The following ANGPTL2 variants were observed in gnomAD, a reference collection of about 807,000 sequenced individuals.
ANGPTL2 encodes the protein angiopoietin-related protein 2.
Under a neutral mutation model 52.8 loss-of-function variants are expected in ANGPTL2, and 25 were observed. That is an observed-to-expected ratio of 0.47 (90% CI 0.35 to 0.66). ANGPTL2 has a LOEUF of 0.66. Among genes scored for constraint, ANGPTL2 ranks in the 30% least tolerant of loss-of-function variants. ANGPTL2 has a pLI of 0.01. For synonymous variants in ANGPTL2, 276 were observed against 277.4 expected (o/e 1.00, Z 0.05); for missense variants, 546 against 656.9 (o/e 0.83, Z 1.84).
At chr9:127,104,993 CAG>C (rs2054081046) in intron 2 of ANGPTL2, among the ~76,000 whole-genome samples, 3 of 152,142 alleles carry the variant, frequency 2.0e-5, no homozygotes, top group African/African-American at 2.4e-5. Flanking sequence ...CTGTTCCGTG[CAG>C]AGAGACCATC....
chr9:127,106,063 A>T (rs1397488096), intron 2 of ANGPTL2, among the ~76,000 whole-genome samples: 1 of 152,216 alleles, frequency 6.6e-6, no homozygotes, highest in East Asian at 1.9e-4. Flanking sequence ...TAGAGCATGG[A>T]TGCAAACCCA....
intron 4 of ANGPTL2, among the ~76,000 whole-genome samples, chr9:127,090,301 G>T (rs1029232027): frequency 6.6e-6 from 1 of 152,346 alleles, no homozygotes; most frequent in African/African-American, 2.4e-5. Context: ...TAAGGAGGTG[G>T]CCCTCCAGAA....
At chr9:127,112,267 T>TCGTTTCCAA (rs1156613397) in intron 1 of ANGPTL2, among the ~76,000 whole-genome samples, 22 of 152,332 alleles carry the variant, frequency 1.4e-4, no homozygotes, top group Middle Eastern at 3.4e-3. Context: ...AGTGTTTGCC[T>TCGTTTCCAA]CGTTTCCAAC....
chr9:127,090,201 AC>A (rs1397694155), intron 4 of ANGPTL2, among the ~76,000 whole-genome samples: 1 of 152,194 alleles, frequency 6.6e-6, no homozygotes, highest in Non-Finnish European at 1.5e-5. Context: ...CGGAGGTCCC[AC>A]ACACCTCCAG....
At chr9:127,102,383 A>G (rs2136886955) in intron 2 of ANGPTL2, among the ~76,000 whole-genome samples, 1 of 152,172 alleles carries the variant, frequency 6.6e-6, no homozygotes, top group East Asian at 1.9e-4. Context: ...CTCAGGATTA[A>G]TACTATACAA....
At chr9:127,090,505 G>A (rs1227332917) in intron 4 of ANGPTL2, among the ~76,000 whole-genome samples, 1 of 152,232 alleles carries the variant, frequency 6.6e-6, no homozygotes, top group East Asian at 1.9e-4. Context: ...GGGATGGGCA[G>A]GTCATGTCCC....
chr9:127,088,296 TAAG>T lies in ANGPTL2; in HGVS notation c.*640_*642del, dbSNP rs1246670025. ...TTGATTAGGTGCCAAAAGGGGTTCT[TAAG>T]AAGCTGGGAACCTCTATGTGAGAGA... On this transcript the variant is annotated 3_prime_UTR_variant, in exon 5 of 5. Coordinates refer to ENST00000373425, the MANE Select transcript of ANGPTL2 (RefSeq NM_012098.3). 1 of 152,148 alleles carries T rather than the reference TAAG, an allele frequency of 6.6e-6. No homozygotes were observed. The highest frequency in any genetic ancestry group is 1.5e-5 in the Non-Finnish European group (1 of 68,032). The allele number at this position is 152,148 out of a possible 1,614,324, so 9.4% of individuals were successfully genotyped here. A position where few individuals can be genotyped will look rare whatever the true frequency, so the allele number is the denominator to read the frequency against.
chr9:127,090,192 G>A (rs573518447), intron 4 of ANGPTL2, among the ~76,000 whole-genome samples: 2 of 152,308 alleles, frequency 1.3e-5, no homozygotes, highest in Admixed American at 6.5e-5. Flanking sequence ...CTTTGCCAGC[G>A]GAGGTCCCAC....
chr9:127,116,379 C>T (rs779498441), intron 1 of ANGPTL2, among the ~76,000 whole-genome samples: 1 of 152,118 alleles, frequency 6.6e-6, no homozygotes, highest in Non-Finnish European at 1.5e-5. Flanking sequence ...GACAAGGACA[C>T]TGCTGTTACT....
At position 127,091,683 on chromosome 9, in the gene ANGPTL2, A is replaced by G. The variant is rs1182010215; in HGVS notation, c.1269T>C (p.His423=). 6.2e-7 allele frequency: 1 copy of G among 1,613,710 alleles called. No homozygotes were observed. The highest frequency in any genetic ancestry group is 1.3e-5 in the African/African-American group (1 of 74,958). ...GKQFTTLDRD[H]DVYTGNCAHY... is the part of the protein sequence containing the mutation. ...CACTTTTCCTACCTGTGTAGACATC[A>G]TGATCTCTGTCCAGGGTGGTGAACT... Residue 423 remains histidine, a synonymous_variant, in exon 4 of 5, where the codon CAT becomes CAC. Coordinates refer to ENST00000373425, the MANE Select transcript of ANGPTL2 (RefSeq NM_012098.3). The surrounding 1 kb of genome is among the most constrained non-coding windows in gnomAD (Gnocchi z 4.3).
At position 127,093,765 on chromosome 9, in the gene ANGPTL2, C is replaced by T. The variant is rs771324217; in HGVS notation, c.979G>A (p.Val327Ile). 11 of 1,614,082 alleles carry T rather than the reference C, an allele frequency of 6.8e-6. No homozygotes were observed. In the South Asian group the frequency reaches 1.1e-4, roughly 16 times the overall value. ...GTCTCCCAGTTCCTGAAGAAGTTAA[C>T]AGAGCCATCCAGGCGTCTCTGGATG... ...TVIQRRLDGS[V>I]NFFRNWETYK... is the part of the protein sequence containing the mutation. The change falls in exon 3 of 5, where the codon GTT (valine) becomes ATT (isoleucine). Residue 327 changes from valine (V) to isoleucine (I), a missense_variant. Around this residue, in one of 2 missense-constraint regions of ANGPTL2, gnomAD observed 261 missense variants for 361.0 expected, o/e 0.72. Transcript: ENST00000373425.
At chr9:127,101,682 A>G (rs974097387) in intron 2 of ANGPTL2, among the ~76,000 whole-genome samples, 3 of 152,316 alleles carry the variant, frequency 2.0e-5, no homozygotes, top group East Asian at 1.9e-4. Flanking sequence ...GAAAGCCTGG[A>G]CAGTTTGTAG....
At chr9:127,105,002 C>T (rs1445533702) in intron 2 of ANGPTL2, among the ~76,000 whole-genome samples, 4 of 152,072 alleles carry the variant, frequency 2.6e-5, no homozygotes, top group Admixed American at 6.5e-5. Context: ...GCAGAGAGAC[C>T]ATCTGTTTTT....
At chr9:127,113,968 C>T (rs1005512767) in intron 1 of ANGPTL2, among the ~76,000 whole-genome samples, 5 of 152,256 alleles carry the variant, frequency 3.3e-5, no homozygotes, top group African/African-American at 1.2e-4. Flanking sequence ...TGCCCTGCAG[C>T]AGAAGCTGCC....
Position 127,088,757 on chromosome 9 carries a change from C to G in ANGPTL2, c.*182G>C. ...CTGGTGTGAAGGAAAGTAGGAGGGA[C>G]AGAAAACACCGTATCGATTCAGTTC... On this transcript the variant is annotated 3_prime_UTR_variant, in exon 5 of 5. Transcript: ENST00000373425. 3 of 685,308 alleles carry G rather than the reference C, an allele frequency of 4.4e-6. No individual in the cohort carries two copies. Among genetic ancestry groups the G allele is most frequent in the Non-Finnish European group, 2.5e-6 (1 of 402,976 alleles). The allele number at this position is 685,308 out of a possible 1,614,324, so 42.5% of individuals were successfully genotyped here. A position where few individuals can be genotyped will look rare whatever the true frequency, so the allele number is the denominator to read the frequency against.
intron 4 of ANGPTL2, among the ~76,000 whole-genome samples, chr9:127,089,831 A>G (rs2052242542): frequency 1.3e-5 from 2 of 152,340 alleles, no homozygotes; most frequent in East Asian, 3.9e-4. Flanking sequence ...GGGGCAGTGC[A>G]CTCTGTGGCA....
Position 127,093,773 on chromosome 9 carries a change from T to C in ANGPTL2, c.971A>G (p.Asp324Gly). The change falls in exon 3 of 5, where the codon GAT (aspartate) becomes GGT (glycine). Residue 324 changes from aspartate (D) to glycine (G), a missense_variant. Coordinates refer to ENST00000373425, the MANE Select transcript of ANGPTL2 (RefSeq NM_012098.3). ...GTTCCTGAAGAAGTTAACAGAGCCA[T>C]CCAGGCGTCTCTGGATGACGGTCCA... ...GGWTVIQRRL[D>G]GSVNFFRNWE... 6.2e-7 allele frequency: 1 copy of C among 1,614,038 alleles called. No individual in the cohort carries two copies.
At position 127,108,611 on chromosome 9, in the gene ANGPTL2, G is replaced by A; in HGVS notation, c.121C>T (p.Leu41=). The A allele has an allele frequency of 6.2e-7, 1 of 1,613,644 alleles. No homozygotes were observed. Among genetic ancestry groups the A allele is most frequent in the Non-Finnish European group, 8.5e-7 (1 of 1,179,934 alleles). ...TCGCCCGCCCGCTTGTACCTGTTTA[G>A]GTAAATGAACTCTCTTGGCGAGCCC... ...EEGSPREFIY[L]NRYKRAGESQ... The change falls in exon 2 of 5, where the codon CTA becomes TTA. Residue 41 remains leucine, a synonymous_variant. Transcript: ENST00000373425.
intron 4 of ANGPTL2, among the ~76,000 whole-genome samples, chr9:127,089,399 A>G (rs1486873463): frequency 6.6e-6 from 1 of 152,196 alleles, no homozygotes; most frequent in African/African-American, 2.4e-5. Flanking sequence ...GTAAAATGAG[A>G]ATAAAAATGA....
Sources: gnomAD v4.1 joint callset for allele counts (sites outside exome capture counted in the v4.1 genomes callset) on GRCh38, gnomAD v4.1.1 for gene constraint, gnomAD v4.1.1 regional missense constraint, Gnocchi (gnomAD v3.1) non-coding constraint, MANE v1.5 for transcripts, NCBI Gene and HGNC (gene_info 2026-07-23, HGNC 2026-07-21) for gene names.